OCA2: variants seen among roughly 807,000 people sequenced by gnomAD.
OCA2 encodes the protein P protein.
OCA2 carries 77 observed loss-of-function variants against 100.2 expected under a neutral mutation model. The ratio of observed to expected loss-of-function variants is 0.77; its 90% confidence interval spans 0.64 to 0.93. OCA2 has a LOEUF of 0.93. OCA2 is among the 40% of genes least tolerant of loss of function. The probability of loss-of-function intolerance (pLI) is 0.00; values close to 1 mark genes in which losing one functional copy is unlikely to be tolerated. For synonymous variants in OCA2, 432 were observed against 439.2 expected (o/e 0.98, Z 0.21); for missense variants, 1,062 against 1,089.1 (o/e 0.98, Z 0.35).
intron 17 of OCA2, 99 bp from the exon 18 acceptor site, chr15:27,951,991 G>T: frequency 1.2e-6 from 1 of 860,866 alleles, no homozygotes; most frequent in Non-Finnish European, 2.0e-6. Context: ...GATTTCACGA[G>T]GATGAAAAAT....
chr15:28,005,052 G>C (rs1039751592), intron 9 of OCA2, among the ~76,000 whole-genome samples: 1 of 152,058 alleles, frequency 6.6e-6, no homozygotes, highest in African/African-American at 2.4e-5. Context: ...TGCCGGCCTC[G>C]CCTCGCACTG....
At chr15:28,080,096 A>G (rs2044570966) in intron 2 of OCA2, among the ~76,000 whole-genome samples, 1 of 152,204 alleles carries the variant, frequency 6.6e-6, no homozygotes, top group South Asian at 2.1e-4. Flanking sequence ...CCTGGCTGGG[A>G]CAATCCTGCT....
intron 18 of OCA2, among the ~76,000 whole-genome samples, chr15:27,948,015 G>A (rs148272676): frequency 1.0e-3 from 156 of 152,266 alleles, no homozygotes; most frequent in African/African-American, 3.4e-3. Context: ...AACTTTGTTC[G>A]TGCATCCTGA....
chr15:28,047,950 T>G (rs2141531002), intron 2 of OCA2, among the ~76,000 whole-genome samples: 1 of 152,324 alleles, frequency 6.6e-6, no homozygotes, highest in South Asian at 2.1e-4. Context: ...ATGCAAAATA[T>G]TTGTTGTGTT....
chr15:28,078,798 T>C lies in OCA2; in HGVS notation c.227+2850A>G, dbSNP rs955326753. Among the ~76,000 whole-genome samples the C allele has an allele frequency of 2.6e-5, 4 of 152,344 alleles. No homozygotes were observed. In the East Asian group the frequency reaches 7.7e-4, roughly 29 times the overall value. On this transcript the variant is annotated intron_variant, in intron 2 of 23. Transcript: ENST00000354638. ...TTAAGCTGCTAAGTTTGGGAGAAAT[T>C]TGTTACCTGGCAATAGATCCTGAAT... is the stretch of plus-strand genomic sequence containing the variant.
the OCA2 span, among the ~76,000 whole-genome samples, chr15:27,730,395 G>A: frequency 3.9e-5 from 6 of 152,206 alleles, no homozygotes; most frequent in Admixed American, 2.0e-4. Flanking sequence ...CCCTGGCCTC[G>A]GCAGGTGTGC....
intron 19 of OCA2, among the ~76,000 whole-genome samples, chr15:27,912,148 C>T (rs550520793): frequency 1.3e-4 from 20 of 152,164 alleles, no homozygotes; most frequent in South Asian, 8.3e-4. Context: ...AACACATAGA[C>T]GAGTAAATTA....
At chr15:27,906,148 G>A (rs763769480) in intron 19 of OCA2, among the ~76,000 whole-genome samples, 4 of 152,132 alleles carry the variant, frequency 2.6e-5, no homozygotes, top group South Asian at 2.1e-4. Flanking sequence ...ATAACTTATT[G>A]TATATTTTAA....
chr15:27,866,748 G>C lies in OCA2; in HGVS notation c.2244+4406C>G, dbSNP rs184906819. On this transcript the variant is annotated intron_variant, in intron 21 of 23. Coordinates refer to ENST00000354638, the MANE Select transcript of OCA2 (RefSeq NM_000275.3). ...AGAAGCATCGAGGAGAAAGCGCTGA[G>C]GTAGGGATGGAGAAAGGCTTTGAAG... 1.4e-3 allele frequency among the ~76,000 whole-genome samples: 206 copies of C among 152,356 alleles called. No individual in the cohort carries two copies. In the Middle Eastern group the frequency reaches 0.017, roughly 13 times the overall value.
Position 27,788,467 on chromosome 15 carries a change from G to GT in OCA2, c.2433-32996dup, listed in dbSNP as rs2032924984. Among the ~76,000 whole-genome samples the GT allele has an allele frequency of 3.3e-5, 5 of 152,032 alleles. No individual in the cohort carries two copies. The South Asian group carries it at 8.3e-4, about 25-fold the overall frequency. On this transcript the variant is annotated intron_variant, in intron 23 of 23. Transcript: ENST00000354638. ...AGGACATTTGTCTTCTTCTCTAGTAGTATTTTCTGTCTTTAAATCTATTTT... is the reference window on the plus strand; with the variant it reads ...AGGACATTTGTCTTCTTCTCTAGTAGTTATTTTCTGTCTTTAAATCTATTTT...
downstream of OCA2, among the ~76,000 whole-genome samples, chr15:27,750,225 G>A (rs1413905659): frequency 1.3e-5 from 2 of 152,178 alleles, no homozygotes; most frequent in Non-Finnish European, 2.9e-5. Flanking sequence ...ACGCATCCTG[G>A]ATAGAGAAGT....
intron 21 of OCA2, among the ~76,000 whole-genome samples, chr15:27,866,092 C>A (rs143012928): frequency 6.6e-6 from 1 of 152,190 alleles, no homozygotes; most frequent in Non-Finnish European, 1.5e-5. Flanking sequence ...GGACACCCTA[C>A]CTCCACCCAG....
At chr15:27,872,054 G>T (rs2036601262) in intron 19 of OCA2, 132 bp from the exon 20 acceptor site, 2 of 711,322 alleles carry the variant, frequency 2.8e-6, no homozygotes, top group Non-Finnish European at 5.0e-6. Context: ...TAAAAGATCA[G>T]ACTCAAATAC....
intron 23 of OCA2, among the ~76,000 whole-genome samples, chr15:27,767,512 G>A (rs1228450251): frequency 6.6e-6 from 1 of 151,846 alleles, no homozygotes; most frequent in Non-Finnish European, 1.5e-5. Context: ...TCAGCACTGG[G>A]TGTCTAGCTA....
intron 1 of OCA2, among the ~76,000 whole-genome samples, chr15:28,082,906 C>T (rs761176722): frequency 6.6e-6 from 1 of 152,148 alleles, no homozygotes; most frequent in Non-Finnish European, 1.5e-5. Flanking sequence ...TACTTTGGGG[C>T]TTATATTTCA....
intron 19 of OCA2, among the ~76,000 whole-genome samples, chr15:27,885,541 A>T (rs561211893): frequency 1.3e-5 from 2 of 152,374 alleles, no homozygotes; most frequent in African/African-American, 4.8e-5. Context: ...TCTCAGCTTA[A>T]GAAATCTGAT....
chr15:28,008,476 C>T (rs2042148567), intron 9 of OCA2, among the ~76,000 whole-genome samples: 1 of 152,160 alleles, frequency 6.6e-6, no homozygotes, highest in South Asian at 2.1e-4. Flanking sequence ...CCTTTGTTGT[C>T]CTCTGCCTTT....
At chr15:28,071,488 C>G (rs2044259923) in intron 2 of OCA2, among the ~76,000 whole-genome samples, 2 of 152,284 alleles carry the variant, frequency 1.3e-5, no homozygotes, top group African/African-American at 2.4e-5. Flanking sequence ...AAGAACACAG[C>G]TGAAGGCATC....
intron 18 of OCA2, among the ~76,000 whole-genome samples, chr15:27,946,931 G>C (rs2039859314): frequency 6.6e-6 from 1 of 152,198 alleles, no homozygotes. Flanking sequence ...ATTCCAGAAA[G>C]GGGCCTGCCC....
Sources: allele counts gnomAD v4.1 joint callset (sites outside exome capture counted in the v4.1 genomes callset), GRCh38; gene constraint gnomAD v4.1.1; transcripts MANE v1.5; gene names NCBI Gene and HGNC (gene_info 2026-07-23, HGNC 2026-07-21).